DPY19L2: variants seen among roughly 807,000 people sequenced by gnomAD.
DPY19L2 encodes the protein dpy-19 like 2, also known as probable C-mannosyltransferase DPY19L2.
DPY19L2 carries 34 observed loss-of-function variants against 97.9 expected under a neutral mutation model. The observed-to-expected ratio is 0.35, with a 90% CI of 0.26 to 0.46. The LOEUF (loss-of-function observed/expected upper bound fraction) is 0.46. DPY19L2 is among the 20% of genes least tolerant of loss of function. The pLI is 1.00. For missense variants in DPY19L2, 623 were observed against 911.4 expected, an observed-to-expected ratio of 0.68 and a Z score of 4.07; for synonymous variants, 230 against 307.9, an observed-to-expected ratio of 0.75 and a Z score of 2.65.
intron 21 of DPY19L2, among the ~76,000 whole-genome samples, chr12:63,562,343 T>A (rs977206584): frequency 1.3e-5 from 2 of 152,208 alleles, no homozygotes; most frequent in Non-Finnish European, 2.9e-5. Flanking sequence ...CATATTGCTG[T>A]ATCAATAGTT....
intron 6 of DPY19L2, among the ~76,000 whole-genome samples, chr12:63,636,322 C>T (rs1364221714): frequency 1.3e-5 from 2 of 152,182 alleles, no homozygotes; most frequent in East Asian, 1.9e-4. Flanking sequence ...ACTGCAAAAA[C>T]ATGCTAAATT....
intron 11 of DPY19L2, among the ~76,000 whole-genome samples, chr12:63,610,841 CAAAAAAAAAAAAAA>C (rs56044043): frequency 4.7e-3 from 51 of 10,776 alleles, no homozygotes; most frequent in East Asian, 0.012. Context: ...ATGAATATAG[CAAAAAAAAAAAAAA>C]AAAAAAAAAA....
At chr12:63,603,741 T>C (rs903263230) in intron 12 of DPY19L2, among the ~76,000 whole-genome samples, 2 of 152,206 alleles carry the variant, frequency 1.3e-5, no homozygotes, top group African/African-American at 4.8e-5. Flanking sequence ...ATGGTATATA[T>C]GTATCACATT....
intron 21 of DPY19L2, among the ~76,000 whole-genome samples, chr12:63,567,115 G>A (rs1187260886): frequency 6.6e-6 from 1 of 151,982 alleles, no homozygotes; most frequent in East Asian, 1.9e-4. Context: ...CTATTTATCT[G>A]TAGTTTTGTA....
At chr12:63,647,162 A>G (rs1893523422) in intron 5 of DPY19L2, 83 bp downstream of exon 5, 1 of 1,079,408 alleles carries the variant, frequency 9.3e-7, no homozygotes, top group Non-Finnish European at 1.2e-6. Flanking sequence ...ACAGAATTTT[A>G]CAATAATTCT....
intron 4 of DPY19L2, among the ~76,000 whole-genome samples, chr12:63,654,088 C>T (rs1203245108): frequency 2.6e-5 from 4 of 151,796 alleles, no homozygotes; most frequent in Admixed American, 6.6e-5. Context: ...TAAAGAAAAT[C>T]CCCTAAACTG....
chr12:63,647,173 TA>T, intron 5 of DPY19L2, 71 bp downstream of exon 5: 1 of 1,105,712 alleles, frequency 9.0e-7, no homozygotes, highest in Non-Finnish European at 1.2e-6. Flanking sequence ...CAATAATTCT[TA>T]AAAGTGAATC....
intron 6 of DPY19L2, among the ~76,000 whole-genome samples, chr12:63,631,888 T>C (rs1319089590): frequency 6.6e-6 from 1 of 152,122 alleles, no homozygotes; most frequent in Non-Finnish European, 1.5e-5. Flanking sequence ...GCTTCATCCC[T>C]GGGATGCAAG....
intron 3 of DPY19L2, among the ~76,000 whole-genome samples, chr12:63,663,540 A>G (rs1414460946): frequency 6.6e-6 from 1 of 152,102 alleles, no homozygotes; most frequent in Non-Finnish European, 1.5e-5. Context: ...ATTCATCTTT[A>G]TTATCTTAAA....
chr12:63,573,247 A>G (rs549774637), intron 19 of DPY19L2, among the ~76,000 whole-genome samples: 3 of 152,210 alleles, frequency 2.0e-5, no homozygotes, highest in Admixed American at 1.3e-4. Context: ...AAAGTTAACA[A>G]ATAAATTGAA....
chr12:63,632,707 A>T (rs1256111891), intron 6 of DPY19L2, among the ~76,000 whole-genome samples: 1 of 152,214 alleles, frequency 6.6e-6, no homozygotes, highest in African/African-American at 2.4e-5. Flanking sequence ...AGAATTGGAA[A>T]AAACTACTTA....
chr12:63,606,349 C>T (rs1168618205), intron 12 of DPY19L2, among the ~76,000 whole-genome samples: 2 of 151,990 alleles, frequency 1.3e-5, no homozygotes, highest in Non-Finnish European at 2.9e-5. Context: ...ACTCTAAATA[C>T]CTTATTATCG....
chr12:63,586,664 CTG>C (rs1328883482), intron 16 of DPY19L2, among the ~76,000 whole-genome samples: 1 of 152,148 alleles, frequency 6.6e-6, no homozygotes, highest in East Asian at 1.9e-4. Context: ...CACAAGGTGA[CTG>C]TGAGGATTTA....
chr12:63,643,498 T>C (rs1419543972), intron 6 of DPY19L2, among the ~76,000 whole-genome samples: 1 of 152,182 alleles, frequency 6.6e-6, no homozygotes, highest in Non-Finnish European at 1.5e-5. Flanking sequence ...AGAATAACAT[T>C]GTAAAGAAAC....
rs903842068 is a variant in DPY19L2 at position 63,560,166 on chromosome 12, T to C, written c.*346A>G. On this transcript the variant is annotated 3_prime_UTR_variant, in exon 22 of 22. Transcript: ENST00000324472. ...GTACCCTCTGGTACTAGAGAAAATC[T>C]GAAGCAATTCACCTAGTTGGATGAA... 4.0e-5 allele frequency: 7 copies of C among 176,018 alleles called. No homozygotes were observed. The highest frequency in any genetic ancestry group is 2.6e-3 in the Middle Eastern group (1 of 382). The allele number at this position is 176,018 out of a possible 1,614,324, so 10.9% of individuals were successfully genotyped here.
At chr12:63,627,378 C>T (rs143100499) in intron 6 of DPY19L2, among the ~76,000 whole-genome samples, 2,039 of 152,238 alleles carry the variant, frequency 0.013, 23 homozygotes, top group Non-Finnish European at 0.021. Context: ...GAGACAGAGT[C>T]TTGCTCTGTC....
Position 63,580,741 on chromosome 12 carries a change from A to G in DPY19L2, c.1821T>C (p.Asn607=), listed in dbSNP as rs188980539. 13 of 1,613,644 alleles carry G rather than the reference A, an allele frequency of 8.1e-6. No individual in the cohort carries two copies. In the Admixed American group the frequency reaches 1.3e-4, roughly 17 times the overall value. ...TAAATTCTCCTATTATGCTCCATTGATTACGGAGGTTTGCATAACCTTGTA... is the reference window on the plus strand; with the variant it reads ...TAAATTCTCCTATTATGCTCCATTGGTTACGGAGGTTTGCATAACCTTGTA... The part of the protein sequence containing the change: ...MSIQGYANLR[N]QWSIIGEFNN... The change falls in exon 19 of 22, where the codon AAT becomes AAC. Residue 607 remains asparagine (N), a synonymous_variant. Transcript: ENST00000324472.
intron 19 of DPY19L2, among the ~76,000 whole-genome samples, chr12:63,574,287 C>T (rs1248445579): frequency 1.3e-5 from 2 of 151,794 alleles, no homozygotes; most frequent in East Asian, 3.9e-4. Context: ...TATTTGCAAG[C>T]CTCATGGTAA....
intron 1 of DPY19L2, among the ~76,000 whole-genome samples, chr12:63,667,111 T>C (rs1482469831): frequency 2.0e-5 from 3 of 152,198 alleles, no homozygotes; most frequent in Non-Finnish European, 4.4e-5. Flanking sequence ...ATTTTTGGAC[T>C]GTATGCAAGC....
Sources: allele counts gnomAD v4.1 joint callset (sites outside exome capture counted in the v4.1 genomes callset), GRCh38; gene constraint gnomAD v4.1.1; transcripts MANE v1.5; gene names NCBI Gene and HGNC (gene_info 2026-07-23, HGNC 2026-07-21).